FNDC1: variants seen among roughly 807,000 people sequenced by gnomAD.
FNDC1 encodes fibronectin type III domain-containing protein 1.
In FNDC1, 96 loss-of-function variants were observed where a neutral mutation model predicts 168.0. The ratio of observed to expected loss-of-function variants is 0.57; its 90% CI spans 0.48 to 0.68. FNDC1 has a LOEUF of 0.68. Among genes scored for constraint, FNDC1 ranks in the 30% least tolerant of loss-of-function variants. The probability of loss-of-function intolerance (pLI) is 0.00; values close to 1 mark genes in which losing one functional copy is unlikely to be tolerated. For synonymous variants in FNDC1, 1,099 were observed against 1,025.9 expected (o/e 1.07, Z -1.36); for missense variants, 2,587 against 2,482.1 (o/e 1.04, Z -0.90).
chr6:159,258,799 C>T (rs913433096), intron 18 of FNDC1, among the ~76,000 whole-genome samples: 8 of 152,212 alleles, frequency 5.3e-5, no homozygotes, highest in African/African-American at 1.9e-4. Flanking sequence ...TCATTTTCCC[C>T]TGTGTCACTA....
At chr6:159,258,505 T>C (rs1380806072) in intron 18 of FNDC1, among the ~76,000 whole-genome samples, 1 of 152,122 alleles carries the variant, frequency 6.6e-6, no homozygotes, top group East Asian at 1.9e-4. Flanking sequence ...AGAGGATGTC[T>C]CAAAGAAGTG....
rs547780716 is a variant in FNDC1, at chr6:159,257,248, C to T, written c.5174+617C>T. On this transcript the variant is annotated intron_variant, in intron 18 of 22. Coordinates refer to ENST00000297267, the MANE Select transcript of FNDC1 (RefSeq NM_032532.3). ...ATCTGGTTTTGGTGGTAATGACCCT[C>T]GGAAAGCTCCTGGGTGGGTGAGCAT... 2.1e-4 allele frequency among the ~76,000 whole-genome samples: 32 copies of T among 152,258 alleles called. No individual in the cohort carries two copies. In the South Asian group the frequency reaches 2.5e-3, roughly 12 times the overall value.
At chr6:159,234,775 A>C (rs1341948408) in intron 11 of FNDC1, among the ~76,000 whole-genome samples, 1 of 152,194 alleles carries the variant, frequency 6.6e-6, no homozygotes, top group Admixed American at 6.5e-5. Context: ...TTACTAACCC[A>C]CATTGCCTCT....
In FNDC1 at chr6:159,260,064, T is replaced by G. The variant is rs7760498; in HGVS notation, c.5175-1126T>G. 2.7e-3 allele frequency among the ~76,000 whole-genome samples: 408 copies of G among 152,364 alleles called. 2 individuals carry two copies. Among genetic ancestry groups the G allele is most frequent in the African/African-American group, 9.3e-3 (387 of 41,592 alleles). ...TTTTAATTAGTACATGGAATTTGTG[T>G]GCCTGACTTAATCAAATAAAGAATT... On this transcript the variant is annotated intron_variant, in intron 18 of 22. Transcript: ENST00000297267.
rs1562304508 is a variant in FNDC1 at position 159,239,598 on chromosome 6, C to T, written c.4262C>T (p.Ala1421Val). The change falls in exon 14 of 23, where the codon GCC (alanine) becomes GTC (valine). Residue 1421 changes from alanine to valine, a missense_variant. By Grantham distance (64) the Ala-to-Val change is moderately conservative. Transcript: ENST00000297267. Reference protein sequence around the residue: ...QGRHGTPLANAQDKPILSLGG... With the variant: ...QGRHGTPLANVQDKPILSLGG... ...CGACATGGCACACCTCTGGCCAATG[C>T]CCAAGATAAGCCAATTTTGAGTCTT... The T allele has an allele frequency of 1.3e-6, 2 of 1,587,062 alleles. No homozygotes were observed. Among genetic ancestry groups the T allele is most frequent in the Non-Finnish European group, 8.6e-7 (1 of 1,165,880 alleles).
At chr6:159,225,829 T>A in intron 8 of FNDC1, 107 bp downstream of exon 8, 1 of 961,434 alleles carries the variant, frequency 1.0e-6, no homozygotes, top group Admixed American at 2.8e-5. Flanking sequence ...GCGTGGGCAT[T>A]TTTGAAAGTC....
At chr6:159,217,181 C>G (rs558130859) in intron 5 of FNDC1, among the ~76,000 whole-genome samples, 168 of 152,334 alleles carry the variant, frequency 1.1e-3, no homozygotes, top group African/African-American at 3.8e-3. Flanking sequence ...TGAGACCAGA[C>G]AAGGGCGTGG....
intron 4 of FNDC1, among the ~76,000 whole-genome samples, chr6:159,208,005 C>T (rs1196070380): frequency 6.6e-6 from 1 of 152,232 alleles, no homozygotes; most frequent in Non-Finnish European, 1.5e-5. Context: ...TCTTTGCTTT[C>T]TGTGGCCCTC....
At position 159,232,288 on chromosome 6, in the gene FNDC1, C is replaced by G; in HGVS notation, c.1776C>G (p.Pro592=). The G allele has an allele frequency of 1.2e-6, 2 of 1,611,568 alleles. No individual in the cohort carries two copies. The highest frequency in any genetic ancestry group is 1.7e-6 in the Non-Finnish European group (2 of 1,178,894). ...TAVRARMPAL[P]RREGVDKPGF... Reference sequence around the variant, plus strand: ...TGAGGGCCCGGATGCCAGCGCTGCCCCGAAGGGAAGGCGTAGATAAGCCTG... The same window carrying G: ...TGAGGGCCCGGATGCCAGCGCTGCCGCGAAGGGAAGGCGTAGATAAGCCTG... The change falls in exon 11 of 23, where the codon CCC becomes CCG. Residue 592 remains proline, a synonymous_variant. Transcript: ENST00000297267. This position sits in a 1 kb window ranked among gnomAD's most constrained non-coding sequence, Gnocchi z 4.9.
intron 1 of FNDC1, among the ~76,000 whole-genome samples, chr6:159,194,699 A>G (rs1304135337): frequency 6.6e-6 from 1 of 152,188 alleles, no homozygotes; most frequent in Non-Finnish European, 1.5e-5. Context: ...TTCTAACCCC[A>G]AGGATAAGTT....
At chr6:159,237,398 T>C (rs1271018638) in intron 12 of FNDC1, among the ~76,000 whole-genome samples, 1 of 152,138 alleles carries the variant, frequency 6.6e-6, no homozygotes, top group African/African-American at 2.4e-5. Context: ...GACAAGTTCC[T>C]ATGTGATGCT....
intron 3 of FNDC1, 63 bp from the exon 4 acceptor site, chr6:159,200,450 C>T: frequency 5.7e-6 from 7 of 1,238,084 alleles, no homozygotes; most frequent in Non-Finnish European, 8.1e-6. Context: ...TATGGATGCA[C>T]TGTAATGTGG....
chr6:159,248,743 G>T (rs1391856772), intron 15 of FNDC1, among the ~76,000 whole-genome samples: 4 of 152,192 alleles, frequency 2.6e-5, no homozygotes, highest in African/African-American at 7.2e-5. Flanking sequence ...GGATTCTAAG[G>T]TTCTCTCCAG....
intron 1 of FNDC1, among the ~76,000 whole-genome samples, chr6:159,193,851 A>G (rs1782187809): frequency 6.6e-6 from 1 of 152,108 alleles, no homozygotes; most frequent in Admixed American, 6.5e-5. Context: ...CTTATTTTTC[A>G]TTCTCCGGCA....
intron 4 of FNDC1, among the ~76,000 whole-genome samples, chr6:159,205,675 G>C (rs1458744436): frequency 6.6e-6 from 1 of 152,170 alleles, no homozygotes. Context: ...TCTTTCTAAG[G>C]TTCCAAGTTT....
chr6:159,191,514 C>G (rs1782138917), intron 1 of FNDC1, among the ~76,000 whole-genome samples: 1 of 152,138 alleles, frequency 6.6e-6, no homozygotes, highest in Non-Finnish European at 1.5e-5. Flanking sequence ...TTGGTTTTAC[C>G]TATTCAACAT....
chr6:159,253,342 T>C (rs922865319), intron 17 of FNDC1, among the ~76,000 whole-genome samples: 3 of 152,206 alleles, frequency 2.0e-5, no homozygotes, highest in African/African-American at 4.8e-5. Flanking sequence ...CATCCATTAG[T>C]GAACCAAACA....
intron 1 of FNDC1, among the ~76,000 whole-genome samples, chr6:159,186,655 C>T (rs779999355): frequency 6.6e-6 from 1 of 152,224 alleles, no homozygotes; most frequent in African/African-American, 2.4e-5. Context: ...TCTACTGAAG[C>T]CCAGGTGTGA....
intron 14 of FNDC1, among the ~76,000 whole-genome samples, chr6:159,242,301 G>T (rs189929219): frequency 1.3e-5 from 2 of 152,290 alleles, no homozygotes. Context: ...ATGGACACAG[G>T]GAGGTGAACA....
Sources: gnomAD v4.1 joint callset for allele counts (sites outside exome capture counted in the v4.1 genomes callset) on GRCh38, gnomAD v4.1.1 for gene constraint, Gnocchi (gnomAD v3.1) non-coding constraint, MANE v1.5 for transcripts, NCBI Gene and HGNC (gene_info 2026-07-23, HGNC 2026-07-21) for gene names.